RAD51B: variants seen among roughly 807,000 people sequenced by gnomAD.
The protein encoded by RAD51B is RAD51 paralog B, also known as DNA repair protein RAD51 homolog 2.
In RAD51B, 38 loss-of-function variants were observed where a neutral mutation model predicts 42.2. That is an observed-to-expected ratio of 0.90 (90% CI 0.70 to 1.18). The LOEUF (loss-of-function observed/expected upper bound fraction) is 1.18, where lower values mean the gene tolerates loss of function less well. RAD51B is among the 50% of genes most tolerant of loss of function. The pLI, the probability that RAD51B is intolerant of heterozygous loss-of-function variation, is 0.00. For synonymous variants in RAD51B, 154 were observed against 145.2 expected (o/e 1.06, Z -0.43); for missense variants, 373 against 400.7 (o/e 0.93, Z 0.59).
intron 7 of RAD51B, among the ~76,000 whole-genome samples, chr14:68,131,556 C>T (rs1355459338): frequency 2.0e-5 from 3 of 152,032 alleles, no homozygotes; most frequent in African/African-American, 2.4e-5. Context: ...ATTAGCCAGG[C>T]GTGGTGTCAT....
intron 10 of RAD51B, among the ~76,000 whole-genome samples, chr14:68,603,060 G>A (rs544640572): frequency 2.0e-4 from 30 of 152,260 alleles, no homozygotes; most frequent in Admixed American, 1.5e-3. Flanking sequence ...CTGGAGCTGA[G>A]GATATGACTA....
At chr14:68,095,842 G>T (rs1034521891) in intron 7 of RAD51B, among the ~76,000 whole-genome samples, 4 of 151,944 alleles carry the variant, frequency 2.6e-5, no homozygotes, top group Admixed American at 6.6e-5. Context: ...CAGGCGTGGT[G>T]GCGGGCGCCT....
chr14:68,247,612 C>A (rs564546837), intron 7 of RAD51B, among the ~76,000 whole-genome samples: 1 of 152,284 alleles, frequency 6.6e-6, no homozygotes, highest in African/African-American at 2.4e-5. Flanking sequence ...AACAACTAAC[C>A]AAGATGGCTT....
At chr14:67,918,176 C>T (rs1242007458) in intron 7 of RAD51B, among the ~76,000 whole-genome samples, 1 of 152,030 alleles carries the variant, frequency 6.6e-6, no homozygotes, top group Non-Finnish European at 1.5e-5. Context: ...GGCCCATCTC[C>T]TTTCTAAAAA....
At chr14:68,677,323 C>T (rs1027897059) in intron 11 of RAD51B, among the ~76,000 whole-genome samples, 8 of 152,154 alleles carry the variant, frequency 5.3e-5, no homozygotes, top group Admixed American at 2.0e-4. Flanking sequence ...CGCTTGGAGG[C>T]GGGAGAGATT....
At chr14:68,328,221 A>T (rs143979061) in intron 8 of RAD51B, among the ~76,000 whole-genome samples, 1 of 152,300 alleles carries the variant, frequency 6.6e-6, no homozygotes, top group Non-Finnish European at 1.5e-5. Flanking sequence ...GCTTTTTCTT[A>T]GATCTATGGG....
At chr14:68,408,694 T>C (rs923987874) in intron 8 of RAD51B, among the ~76,000 whole-genome samples, 1 of 152,192 alleles carries the variant, frequency 6.6e-6, no homozygotes, top group Non-Finnish European at 1.5e-5. Flanking sequence ...GTTTTAAAAA[T>C]CAAAATTGCG....
At chr14:68,229,480 G>A (rs994499407) in intron 7 of RAD51B, among the ~76,000 whole-genome samples, 4 of 152,182 alleles carry the variant, frequency 2.6e-5, no homozygotes, top group African/African-American at 9.7e-5. Flanking sequence ...GATGCCTCTG[G>A]CTTACTCATC....
intron 7 of RAD51B, among the ~76,000 whole-genome samples, chr14:67,959,464 G>C (rs1241238268): frequency 6.6e-6 from 1 of 151,966 alleles, no homozygotes; most frequent in Non-Finnish European, 1.5e-5. Context: ...AGCCAGGATG[G>C]TCTCGATCTC....
intron 10 of RAD51B, among the ~76,000 whole-genome samples, chr14:68,608,176 G>A (rs1456316366): frequency 6.6e-6 from 1 of 152,198 alleles, no homozygotes; most frequent in Non-Finnish European, 1.5e-5. Context: ...CTTCTCTTAG[G>A]CCTCCCCAAC....
chr14:68,477,925 C>A lies in RAD51B; in HGVS notation c.*261C>A. 7.9e-7 allele frequency: 1 copy of A among 1,271,664 alleles called. No homozygotes were observed. The highest frequency in any genetic ancestry group is 9.9e-7 in the Non-Finnish European group (1 of 1,008,970). 78.8% of individuals were successfully genotyped at this position (1,271,664 alleles called of 1,614,324 possible). A position where few individuals can be genotyped will look rare whatever the true frequency, so the allele number is the denominator to read the frequency against. On this transcript the variant is annotated 3_prime_UTR_variant, in exon 11 of 11. Coordinates refer to ENST00000471583, the MANE Select transcript of RAD51B (RefSeq NM_133510.4). ...TTTGCCGCCATGGGATGTCAACAGC[C>A]ATAATAATAATTTGCACTTATATAG... is the stretch of plus-strand genomic sequence containing the variant.
At chr14:68,401,648 G>C (rs746424446) in intron 8 of RAD51B, among the ~76,000 whole-genome samples, 12 of 152,080 alleles carry the variant, frequency 7.9e-5, no homozygotes, top group Non-Finnish European at 1.8e-4. Context: ...AGAGACATCA[G>C]GAATGAAATT....
At position 67,998,624 on chromosome 14, in the gene RAD51B, C is replaced by T. The variant is rs920511913; in HGVS notation, c.756+111420C>T. 2.0e-5 allele frequency among the ~76,000 whole-genome samples: 3 copies of T among 152,156 alleles called. 1 individual carries two copies. Among genetic ancestry groups the T allele is most frequent in the Non-Finnish European group, 2.9e-5 (2 of 68,034 alleles). On this transcript the variant is annotated intron_variant, in intron 7 of 10. Coordinates refer to ENST00000471583, the MANE Select transcript of RAD51B (RefSeq NM_133510.4). The stretch of plus-strand genomic sequence containing the variant: ...CAAAGTTATCTCAGGGTAAACGCTG[C>T]AGCCGCAAGTGCCACTGGTGAGTAT...
intron 7 of RAD51B, among the ~76,000 whole-genome samples, chr14:68,061,616 T>A (rs910445291): frequency 3.9e-5 from 6 of 152,126 alleles, no homozygotes; most frequent in African/African-American, 1.4e-4. Context: ...TCACCTCCTT[T>A]GTTAAGTTTA....
intron 10 of RAD51B, among the ~76,000 whole-genome samples, chr14:68,523,378 T>G (rs1594940306): frequency 6.6e-6 from 1 of 152,328 alleles, no homozygotes. Flanking sequence ...TGGATTAGAA[T>G]GGACTTGGCC....
chr14:68,084,861 C>T lies in RAD51B; in HGVS notation c.756+197657C>T, dbSNP rs543813106. On this transcript the variant is annotated intron_variant, in intron 7 of 10. Transcript: ENST00000471583. ...TTATGGCAGTATGTTAAAAAAAATCCGTGGATAATAAGTCTGATGGTAGAC... is the reference window on the plus strand; with the variant it reads ...TTATGGCAGTATGTTAAAAAAAATCTGTGGATAATAAGTCTGATGGTAGAC... Among the ~76,000 whole-genome samples the T allele has an allele frequency of 4.4e-4, 67 of 152,138 alleles. 1 individual carries two copies. The highest frequency in any genetic ancestry group is 3.4e-3 in the Middle Eastern group (1 of 294).
At chr14:68,335,641 G>A (rs1468025714) in intron 8 of RAD51B, among the ~76,000 whole-genome samples, 1 of 152,192 alleles carries the variant, frequency 6.6e-6, no homozygotes, top group African/African-American at 2.4e-5. Context: ...GCATTTCAGA[G>A]AGTTGGAAAA....
At chr14:68,504,687 T>TTTTTTTTTTTCTTTTTTTTTTTTTTA (rs1885177984) in intron 10 of RAD51B, among the ~76,000 whole-genome samples, 1 of 110,172 alleles carries the variant, frequency 9.1e-6, no homozygotes, top group Non-Finnish European at 2.0e-5. Flanking sequence ...TTTTTTTTTT[T>TTTTTTTTTTTCTTTTTTTTTTTTTTA]GCTAGTTCAT....
chr14:68,217,063 G>A (rs2079830396), intron 7 of RAD51B, among the ~76,000 whole-genome samples: 1 of 152,182 alleles, frequency 6.6e-6, no homozygotes, highest in African/African-American at 2.4e-5. Context: ...AAGATCTCCT[G>A]TGTTCTCAAC....
Sources: allele counts gnomAD v4.1 joint callset (sites outside exome capture counted in the v4.1 genomes callset), GRCh38; gene constraint gnomAD v4.1.1; transcripts MANE v1.5; gene names NCBI Gene and HGNC (gene_info 2026-07-23, HGNC 2026-07-21).